SLC2A9: variants seen among roughly 807,000 people sequenced by gnomAD.
SLC2A9 encodes solute carrier family 2, facilitated glucose transporter member 9.
Under a neutral mutation model 50.6 loss-of-function variants are expected in SLC2A9, and 39 were observed. The observed-to-expected ratio is 0.77, with a 90% CI of 0.60 to 1.01. The LOEUF (loss-of-function observed/expected upper bound fraction) is 1.01. Among genes scored for constraint, SLC2A9 ranks in the 50% least tolerant of loss-of-function variants. SLC2A9 has a pLI of 0.00. For synonymous variants in SLC2A9, 324 were observed against 276.9 expected (o/e 1.17, Z -1.69); for missense variants, 686 against 677.6 (o/e 1.01, Z -0.14).
chr4:9,822,457 T>C (rs1028380531), downstream of SLC2A9, among the ~76,000 whole-genome samples: 5 of 152,184 alleles, frequency 3.3e-5, no homozygotes, highest in African/African-American at 1.2e-4. Flanking sequence ...TTATCATGGG[T>C]AATTCCTCTT....
chr4:9,876,224 T>G (rs1266539455), intron 10 of SLC2A9, among the ~76,000 whole-genome samples: 1 of 152,212 alleles, frequency 6.6e-6, no homozygotes, highest in African/African-American at 2.4e-5. Context: ...AGCTTCCCAC[T>G]GTTGTTCGTC....
At chr4:9,836,351 T>C (rs1027822463) in intron 10 of SLC2A9, among the ~76,000 whole-genome samples, 2 of 151,618 alleles carry the variant, frequency 1.3e-5, no homozygotes, top group Non-Finnish European at 2.9e-5. Flanking sequence ...TAAATACATA[T>C]AAATACAAAA....
At chr4:9,920,278 G>C in intron 7 of SLC2A9, 107 bp downstream of exon 7, 1 of 1,206,078 alleles carries the variant, frequency 8.3e-7, no homozygotes, top group Non-Finnish European at 1.2e-6. Context: ...TTGTGGCAAT[G>C]ACAGAACTGA....
At position 10,019,212 on chromosome 4, in the gene SLC2A9, A is replaced by C. The variant is rs1386696663; in HGVS notation, c.151-139T>G. 1.5e-5 allele frequency: 11 copies of C among 711,040 alleles called. No homozygotes were observed. In the East Asian group the frequency reaches 3.0e-4, roughly 19 times the overall value. 44.0% of individuals were successfully genotyped at this position (711,040 alleles called of 1,614,324 possible). A position where few individuals can be genotyped will look rare whatever the true frequency, so the allele number is the denominator to read the frequency against. On this transcript the variant is annotated intron_variant, in intron 1 of 11. Coordinates refer to ENST00000264784, the MANE Select transcript of SLC2A9 (RefSeq NM_020041.3). The stretch of plus-strand genomic sequence containing the variant: ...CCTTGGCTGGGGTAGAGACAGAGAG[A>C]AGAGACGCAAGTTGGGGACCTGCAA...
At chr4:9,883,264 A>T (rs1236744367) in intron 10 of SLC2A9, among the ~76,000 whole-genome samples, 1 of 152,242 alleles carries the variant, frequency 6.6e-6, no homozygotes, top group Non-Finnish European at 1.5e-5. Context: ...GATCAATAAA[A>T]GTTATTACCA....
intron 10 of SLC2A9, among the ~76,000 whole-genome samples, chr4:9,869,296 T>C (rs1733011889): frequency 6.6e-6 from 1 of 152,192 alleles, no homozygotes; most frequent in African/African-American, 2.4e-5. Flanking sequence ...GCAAACCTGG[T>C]CAGTCCATGC....
At chr4:9,778,572 T>A (rs1717885047), downstream of SLC2A9, among the ~76,000 whole-genome samples, 1 of 152,096 alleles carries the variant, frequency 6.6e-6, no homozygotes, top group South Asian at 2.1e-4. Context: ...TTTCAATACC[T>A]CTCCCCACTT....
intron 3 of SLC2A9, among the ~76,000 whole-genome samples, chr4:9,804,115 C>T (rs1025978323): frequency 2.0e-5 from 3 of 152,298 alleles, no homozygotes; most frequent in Non-Finnish European, 4.4e-5. Flanking sequence ...GATACATGAA[C>T]AGATGATAAA....
chr4:10,030,156 A>G (rs766041745), intron 1 of SLC2A9, among the ~76,000 whole-genome samples: 5 of 152,248 alleles, frequency 3.3e-5, no homozygotes, highest in African/African-American at 4.8e-5. Context: ...ATTGTACAGT[A>G]TGATGAGCAT....
At position 9,920,365 on chromosome 4, in the gene SLC2A9, C is replaced by T; in HGVS notation, c.1002+20G>A. 2 of 1,613,592 alleles carry T rather than the reference C, an allele frequency of 1.2e-6. No individual in the cohort carries two copies. The highest frequency in any genetic ancestry group is 1.7e-6 in the Non-Finnish European group (2 of 1,179,844). ...ATCCCTCCAGTCATGCAAGGATGCC[C>T]ACCGGGCCCCAGGACTCACTGCATT... On this transcript the variant is annotated intron_variant, in intron 7 of 11. Coordinates refer to ENST00000264784, the MANE Select transcript of SLC2A9 (RefSeq NM_020041.3).
intron 3 of SLC2A9, among the ~76,000 whole-genome samples, chr4:9,788,884 T>C (rs909320130): frequency 7.9e-5 from 12 of 152,228 alleles, no homozygotes; most frequent in African/African-American, 2.9e-4. Flanking sequence ...TCAGCCATTT[T>C]TCCAAGGAGA....
chr4:9,811,643 AC>A (rs1178617837), intron 3 of SLC2A9, among the ~76,000 whole-genome samples: 2 of 152,214 alleles, frequency 1.3e-5, no homozygotes, highest in African/African-American at 2.4e-5. Flanking sequence ...TTCAGGAGAC[AC>A]CACAGGGATC....
At chr4:9,899,882 C>T (rs1312776945) in intron 8 of SLC2A9, among the ~76,000 whole-genome samples, 1 of 152,198 alleles carries the variant, frequency 6.6e-6, no homozygotes, top group Non-Finnish European at 1.5e-5. Context: ...TTCTCCAGTC[C>T]TGTGGACGTC....
intron 2 of SLC2A9, among the ~76,000 whole-genome samples, chr4:9,997,768 A>G (rs1758974380): frequency 6.8e-6 from 1 of 146,310 alleles, no homozygotes; most frequent in South Asian, 2.1e-4. Context: ...ACACAAAAAA[A>G]CTAGCCATAA....
In SLC2A9 at chr4:10,032,788, C is replaced by G. The variant is rs563853196; in HGVS notation, c.-40-6782G>C. 2.0e-5 allele frequency among the ~76,000 whole-genome samples: 3 copies of G among 152,236 alleles called. No homozygotes were observed. In the East Asian group the frequency reaches 5.8e-4, roughly 29 times the overall value. ...TGGACAGGTGACGTTTATCCTCTTT[C>G]AAAACTCTCCAGGAAGTATCTTGTG... is the stretch of plus-strand genomic sequence containing the variant. On this transcript the variant is annotated intron_variant, in intron 1 of 12. Transcript: ENST00000309065.
intron 8 of SLC2A9, among the ~76,000 whole-genome samples, chr4:9,903,983 A>G (rs1387974542): frequency 6.7e-6 from 1 of 148,568 alleles, no homozygotes; most frequent in Non-Finnish European, 1.5e-5. Context: ...TATATTATGC[A>G]TATTATATAT....
At chr4:9,771,796 G>A (rs1459211439) in intron 1 of SLC2A9, among the ~76,000 whole-genome samples, 1 of 152,224 alleles carries the variant, frequency 6.6e-6, no homozygotes, top group Admixed American at 6.5e-5. Flanking sequence ...GTGCATTGGT[G>A]TGGGGTTTGA....
At chr4:9,901,403 C>T (rs1013720627) in intron 8 of SLC2A9, among the ~76,000 whole-genome samples, 8 of 152,076 alleles carry the variant, frequency 5.3e-5, no homozygotes, top group Non-Finnish European at 1.2e-4. Context: ...AGTTCTAGAG[C>T]ACATGTCAGT....
chr4:9,777,294 T>A (rs1205168682), downstream of SLC2A9, among the ~76,000 whole-genome samples: 1 of 107,784 alleles, frequency 9.3e-6, no homozygotes, highest in East Asian at 2.1e-4. Flanking sequence ...CCCGTCTCTG[T>A]TTCTTTTTTT....
Sources: allele counts gnomAD v4.1 joint callset (sites outside exome capture counted in the v4.1 genomes callset), GRCh38; gene constraint gnomAD v4.1.1; transcripts MANE v1.5; gene names NCBI Gene and HGNC (gene_info 2026-07-23, HGNC 2026-07-21).